The following USH2A variants were observed in gnomAD, a reference collection of about 807,000 sequenced individuals.
USH2A encodes the protein usherin.
USH2A carries 443 observed loss-of-function variants against 538.9 expected under a neutral mutation model. The ratio of observed to expected loss-of-function variants is 0.82; its 90% CI spans 0.76 to 0.89. USH2A has a LOEUF of 0.89. Ranked by LOEUF, USH2A falls within the 40% of genes least tolerant of loss-of-function variation. The probability of loss-of-function intolerance (pLI) is 0.00; values close to 1 mark genes in which losing one functional copy is unlikely to be tolerated. For synonymous variants in USH2A, 2,413 were observed against 2,273.5 expected (o/e 1.06, Z -1.75); for missense variants, 6,633 against 6,324.8 (o/e 1.05, Z -1.65).
At chr1:215,710,946 G>A (rs1325148464) in intron 61 of USH2A, among the ~76,000 whole-genome samples, 1 of 151,668 alleles carries the variant, frequency 6.6e-6, no homozygotes, top group Admixed American at 6.6e-5. Context: ...TCGGCTTCTA[G>A]ATCCTCAAGG....
In USH2A at chr1:216,196,694, G is replaced by C. The variant is rs2034853473; in HGVS notation, c.4110C>G (p.Val1370=). 2.5e-6 allele frequency: 4 copies of C among 1,613,198 alleles called. No homozygotes were observed. In the African/African-American group the frequency reaches 4.0e-5, roughly 16 times the overall value. Reference sequence around the variant, plus strand: ...TGAGAGAGTACGAAGAGAGGGGAAAGACTGAAGGAGGGATCATGAATACAG... The same window carrying C: ...TGAGAGAGTACGAAGAGAGGGGAAACACTGAAGGAGGGATCATGAATACAG... ...SAPVFMIPPS[V]FPLSSYSLNI... Residue 1370 remains valine (V), a synonymous_variant, in exon 19 of 72, where the codon GTC becomes GTG. Transcript: ENST00000307340.
chr1:215,962,501 G>A (rs1338883648), intron 37 of USH2A, among the ~76,000 whole-genome samples: 1 of 152,132 alleles, frequency 6.6e-6, no homozygotes, highest in East Asian at 1.9e-4. Flanking sequence ...AGCTCGTTAG[G>A]AATTGCTGTG....
rs554933788 is a variant in USH2A, at chr1:216,045,919, A to G, written c.6325+512T>C. Among the ~76,000 whole-genome samples the G allele has an allele frequency of 4.6e-5, 7 of 152,200 alleles. No individual in the cohort carries two copies. The East Asian group carries it at 1.2e-3, about 25-fold the overall frequency. On this transcript the variant is annotated intron_variant, in intron 32 of 71. Coordinates refer to ENST00000307340, the MANE Select transcript of USH2A (RefSeq NM_206933.4). Reference sequence around the variant, plus strand: ...TGAATCTAATATGACCTTCAAGATCATACAATTGGAGTGATTAACAGGAGA... The same window carrying G: ...TGAATCTAATATGACCTTCAAGATCGTACAATTGGAGTGATTAACAGGAGA...
At chr1:216,069,297 C>T (rs1201980723) in intron 30 of USH2A, among the ~76,000 whole-genome samples, 5 of 152,084 alleles carry the variant, frequency 3.3e-5, no homozygotes, top group African/African-American at 9.7e-5. Flanking sequence ...CTGTGCATTC[C>T]AAAGTGTCTA....
intron 4 of USH2A, among the ~76,000 whole-genome samples, chr1:216,348,959 G>T (rs1012211050): frequency 1.3e-5 from 2 of 152,050 alleles, no homozygotes; most frequent in Non-Finnish European, 2.9e-5. Flanking sequence ...ATATTAGCTT[G>T]GTTCTAACAA....
At chr1:216,095,365 G>A (rs1271623643) in intron 22 of USH2A, among the ~76,000 whole-genome samples, 1 of 152,062 alleles carries the variant, frequency 6.6e-6, no homozygotes. Flanking sequence ...TCTACTTAAA[G>A]TTTTCAAATA....
At chr1:215,652,822 T>A (rs1351566663) in intron 64 of USH2A, among the ~76,000 whole-genome samples, 1 of 152,190 alleles carries the variant, frequency 6.6e-6, no homozygotes, top group Non-Finnish European at 1.5e-5. Flanking sequence ...GATATGACGT[T>A]TTTTGCCAAG....
chr1:216,417,353 A>G (rs868494140), intron 3 of USH2A, among the ~76,000 whole-genome samples: 2 of 152,128 alleles, frequency 1.3e-5, no homozygotes, highest in Admixed American at 6.6e-5. Flanking sequence ...TGAGGTTCAC[A>G]TGAGCCACTG....
chr1:216,250,765 A>T (rs1282956518), intron 12 of USH2A, 138 bp downstream of exon 12: 1 of 890,034 alleles, frequency 1.1e-6, no homozygotes, highest in African/African-American at 1.7e-5. Context: ...TAAACAGTTA[A>T]TTTCATCCAA....
intron 21 of USH2A, among the ~76,000 whole-genome samples, chr1:216,120,626 G>T (rs1317584543): frequency 6.6e-6 from 1 of 151,570 alleles, no homozygotes; most frequent in Non-Finnish European, 1.5e-5. Context: ...TGATCCACCC[G>T]CCTCGGCCTC....
chr1:216,203,853 C>G lies in USH2A; in HGVS notation c.3316+3420G>C, dbSNP rs144997144. Among the ~76,000 whole-genome samples the G allele has an allele frequency of 1.0e-3, 158 of 152,264 alleles. 1 individual carries two copies. The highest frequency in any genetic ancestry group is 3.6e-3 in the African/African-American group (150 of 41,554). ...TGTTACATGTAAAAATAATCATCCT[C>G]TAGTTCCTGTGGAAGGATTTCTCTA... On this transcript the variant is annotated intron_variant, in intron 16 of 71. Coordinates refer to ENST00000307340, the MANE Select transcript of USH2A (RefSeq NM_206933.4).
chr1:216,212,458 G>C (rs2035260398), intron 15 of USH2A, among the ~76,000 whole-genome samples: 1 of 152,094 alleles, frequency 6.6e-6, no homozygotes, highest in South Asian at 2.1e-4. Flanking sequence ...TGCCAAGAAT[G>C]GTCTTTGCAT....
intron 70 of USH2A, among the ~76,000 whole-genome samples, chr1:215,629,866 C>G (rs1483675607): frequency 3.3e-5 from 5 of 150,102 alleles, no homozygotes. Flanking sequence ...AGCTCCGCCT[C>G]CCGGGTTCAC....
intron 3 of USH2A, among the ~76,000 whole-genome samples, chr1:216,392,744 G>C (rs536723872): frequency 6.6e-6 from 1 of 152,188 alleles, no homozygotes; most frequent in South Asian, 2.1e-4. Flanking sequence ...GCACATAAAA[G>C]CTGAAGGGAA....
At chr1:216,008,138 G>A (rs6656405) in intron 32 of USH2A, among the ~76,000 whole-genome samples, 74,890 of 151,976 alleles carry the variant, frequency 0.49, 19,109 homozygotes, top group East Asian at 0.84. Context: ...CTGCTATGTC[G>A]TCACTGTCAG....
At position 215,809,915 on chromosome 1, in the gene USH2A, C is replaced by A. The variant is rs904697569; in HGVS notation, c.9739+3821G>T. On this transcript the variant is annotated intron_variant, in intron 49 of 71. Coordinates refer to ENST00000307340, the MANE Select transcript of USH2A (RefSeq NM_206933.4). ...ATTTAGATGCAACAGGATTTGGGAC[C>A]ATTGCGCTTTTTTCCCCCTCAGTGT... 3.9e-5 allele frequency among the ~76,000 whole-genome samples: 6 copies of A among 152,208 alleles called. No individual in the cohort carries two copies. In the South Asian group the frequency reaches 1.0e-3, roughly 26 times the overall value.
chr1:215,948,296 T>C lies in USH2A; in HGVS notation c.7121-13501A>G, dbSNP rs114918305. Among the ~76,000 whole-genome samples the C allele has an allele frequency of 9.5e-3, 1,440 of 152,002 alleles. 25 individuals carry two copies. The highest frequency in any genetic ancestry group is 0.033 in the African/African-American group (1,380 of 41,536). On this transcript the variant is annotated intron_variant, in intron 37 of 71. Transcript: ENST00000307340. ...CTTTGTCTAACTACAAAAGAATTTT[T>C]TTTTATTATAAATGTTAAGGCTATA...
intron 56 of USH2A, among the ~76,000 whole-genome samples, chr1:215,762,069 A>T (rs796470861): frequency 5.3e-5 from 8 of 152,314 alleles, no homozygotes; most frequent in African/African-American, 1.9e-4. Context: ...CAACTTTCTA[A>T]GGAGCAATAT....
At chr1:216,329,294 G>A (rs1387591830) in intron 4 of USH2A, among the ~76,000 whole-genome samples, 1 of 152,062 alleles carries the variant, frequency 6.6e-6, no homozygotes, top group Non-Finnish European at 1.5e-5. Flanking sequence ...GGCCATCCAG[G>A]CAACATGATT....
Sources: gnomAD v4.1 joint callset for allele counts (sites outside exome capture counted in the v4.1 genomes callset) on GRCh38, gnomAD v4.1.1 for gene constraint, MANE v1.5 for transcripts, NCBI Gene and HGNC (gene_info 2026-07-23, HGNC 2026-07-21) for gene names.